The following HEMGN variants were observed in gnomAD, a reference collection of about 807,000 sequenced individuals.
HEMGN encodes the protein erythroid differentiation-associated gene protein.
Under a neutral mutation model 45.7 loss-of-function variants are expected in HEMGN, and 32 were observed. That is an observed-to-expected ratio of 0.70 (90% CI 0.53 to 0.94). The LOEUF (loss-of-function observed/expected upper bound fraction) is 0.94, where lower values mean the gene tolerates loss of function less well. Among genes scored for constraint, HEMGN ranks in the 40% least tolerant of loss-of-function variants. HEMGN has a pLI of 0.00. For synonymous variants in HEMGN, 183 were observed against 178.6 expected (o/e 1.02, Z -0.20); for missense variants, 530 against 564.2 (o/e 0.94, Z 0.61).
At chr9:97,940,221 C>T (rs886697462), upstream of HEMGN, among the ~76,000 whole-genome samples, 4 of 152,114 alleles carry the variant, frequency 2.6e-5, no homozygotes, top group South Asian at 2.1e-4. Context: ...GCTGTAGAGA[C>T]GGATGGTGCA....
Position 97,930,087 on chromosome 9 carries a change from C to T in HEMGN, c.1308G>A (p.Gln436=), listed in dbSNP as rs1281992459. Residue 436 remains glutamine (Q), a synonymous_variant, in exon 3 of 4, where the codon CAG becomes CAA. Coordinates refer to ENST00000616898, the MANE Select transcript of HEMGN (RefSeq NM_197978.3). ...CATCTTCCTGGTGTGCTTTAGGATC[C>T]TGGCCTTGGGGCCCACCTGTTTCTT... ...PHQETGGPQG[Q]DPKAHQEDAK... is the part of the protein sequence containing the mutation. 7 of 1,614,082 alleles carry T rather than the reference C, an allele frequency of 4.3e-6. No homozygotes were observed. The highest frequency in any genetic ancestry group is 5.1e-6 in the Non-Finnish European group (6 of 1,180,026).
intron 2 of HEMGN, among the ~76,000 whole-genome samples, chr9:97,935,066 C>T (rs577920943): frequency 6.6e-6 from 1 of 152,350 alleles, no homozygotes; most frequent in South Asian, 2.1e-4. Flanking sequence ...AAGCTGAAGG[C>T]TTTTTCTTTC....
At chr9:97,941,530 T>C (rs1337532453), upstream of HEMGN, among the ~76,000 whole-genome samples, 3 of 152,110 alleles carry the variant, frequency 2.0e-5, no homozygotes, top group East Asian at 5.8e-4. Context: ...TGAGAGATAA[T>C]TAAGGTTTGG....
intron 3 of HEMGN, among the ~76,000 whole-genome samples, chr9:97,929,542 TAGAA>T (rs1826901314): frequency 6.6e-6 from 1 of 152,194 alleles, no homozygotes; most frequent in African/African-American, 2.4e-5. Flanking sequence ...AATCTTGAAA[TAGAA>T]AGGGTTTTTG....
intron 2 of HEMGN, among the ~76,000 whole-genome samples, chr9:97,935,626 A>G (rs1827043692): frequency 6.6e-6 from 1 of 152,194 alleles, no homozygotes; most frequent in Admixed American, 6.5e-5. Context: ...AAATGGATGC[A>G]ATTAGATGTC....
intron 2 of HEMGN, among the ~76,000 whole-genome samples, 195 bp from the exon 3 acceptor site, chr9:97,931,416 AAT>A (rs1826951368): frequency 1.3e-5 from 2 of 152,122 alleles, no homozygotes. Flanking sequence ...TAGGAGAGGG[AAT>A]GTTTCTCCAG....
At chr9:97,936,855 A>T (rs1587855261) in intron 1 of HEMGN, among the ~76,000 whole-genome samples, 2 of 152,336 alleles carry the variant, frequency 1.3e-5, no homozygotes, top group East Asian at 3.9e-4. Flanking sequence ...AATTATAATA[A>T]GCATATTCAT....
upstream of HEMGN, among the ~76,000 whole-genome samples, chr9:97,939,727 G>A (rs1275386301): frequency 6.6e-6 from 1 of 152,136 alleles, no homozygotes; most frequent in African/African-American, 2.4e-5. Flanking sequence ...AAAGGGTATC[G>A]AGAATGATAT....
At chr9:97,938,496 C>T, upstream of HEMGN, 1 of 175,644 alleles carries the variant, frequency 5.7e-6, no homozygotes. Context: ...TTCCTTTTTA[C>T]AGATGGAGGT....
Position 97,930,941 on chromosome 9 carries a change from C to T in HEMGN, c.454G>A (p.Glu152Lys). The T allele has an allele frequency of 1.2e-6, 2 of 1,614,166 alleles. No individual in the cohort carries two copies. The highest frequency in any genetic ancestry group is 1.1e-5 in the South Asian group (1 of 91,092). Reference protein sequence around the residue: ...IYQENFSEYQEIAVQNHSSET... With the variant: ...IYQENFSEYQKIAVQNHSSET... ...GAAGAATGGTTTTGTACTGCTATTT[C>T]TTGGTACTCAGAAAAATTCTCCTGA... The change falls in exon 3 of 4, where the codon GAA (glutamate) becomes AAA (lysine). Residue 152 changes from glutamate (E) to lysine (K), a missense_variant. Transcript: ENST00000616898.
Position 97,930,710 on chromosome 9 carries a change from C to G in HEMGN, c.685G>C (p.Ala229Pro), listed in dbSNP as rs756135648. 4 of 1,614,104 alleles carry G rather than the reference C, an allele frequency of 2.5e-6. No individual in the cohort carries two copies. Residue 229 changes from alanine to proline, a missense_variant, in exon 3 of 4, where the codon GCT becomes CCT. Transcript: ENST00000616898. Reference protein sequence around the residue: ...YQDMAKREDLAPKMCQEAAVP... With the variant: ...YQDMAKREDLPPKMCQEAAVP... ...GCAGCTTCTTGGCACATTTTAGGAG[C>G]CAGATCTTCTCGTTTAGCCATATCT...
In HEMGN at chr9:97,927,385, TAAAAC is replaced by T. The variant is rs778682688; in HGVS notation, c.1449_1453del (p.Phe484ThrfsTer34). On this transcript the variant is annotated frameshift_variant and stop_lost, in exon 4 of 4. Transcript: ENST00000616898. LOFTEE classifies it high-confidence loss of function. ...CCACAACTTTATGGTTGAGCATTGT[TAAAAC>T]AAAACATAACTATAGACATCATTTT... 1.4e-5 allele frequency: 22 copies of T among 1,572,992 alleles called. No homozygotes were observed. Among genetic ancestry groups the T allele is most frequent in the Non-Finnish European group, 1.7e-5 (20 of 1,146,896 alleles).
In HEMGN at chr9:97,930,555, T is replaced by C; in HGVS notation, c.840A>G (p.Glu280=). Residue 280 remains glutamate, a synonymous_variant, in exon 3 of 4, where the codon GAA becomes GAG. Coordinates refer to ENST00000616898, the MANE Select transcript of HEMGN (RefSeq NM_197978.3). ...YILDTDQNPA[E]PEEYNETDQG... ...GATCTGTTTCATTGTATTCCTCTGG[T>C]TCTGCTGGATTTTGGTCTGTGTCAA... The C allele has an allele frequency of 6.2e-7, 1 of 1,614,192 alleles. No homozygotes were observed. The highest frequency in any genetic ancestry group is 8.5e-7 in the Non-Finnish European group (1 of 1,180,020).
rs1394958624 is a variant in HEMGN at position 97,936,269 on chromosome 9, A to G, written c.80-5T>C. The G allele has an allele frequency of 3.2e-6, 5 of 1,582,818 alleles. No individual in the cohort carries two copies. Among genetic ancestry groups the G allele is most frequent in the Non-Finnish European group, 4.3e-6 (5 of 1,154,428 alleles). The stretch of plus-strand genomic sequence containing the variant: ...AACTCCAGGTTCCAATGACTTCTGT[A>G]ATAAAATGAAAGTGATTAGAAAAAG... On this transcript the variant is annotated splice_polypyrimidine_tract_variant and splice_region_variant and intron_variant, in intron 1 of 3. Transcript: ENST00000616898.
At chr9:97,939,798 T>C (rs530699874), upstream of HEMGN, among the ~76,000 whole-genome samples, 1 of 152,328 alleles carries the variant, frequency 6.6e-6, no homozygotes, top group East Asian at 1.9e-4. Flanking sequence ...TAAACCCTAA[T>C]ATTTAGCTTT....
Position 97,930,391 on chromosome 9 carries a change from G to T in HEMGN, c.1004C>A (p.Pro335His), listed in dbSNP as rs150918405. The T allele has an allele frequency of 9.3e-6, 15 of 1,613,948 alleles. No individual in the cohort carries two copies. The highest frequency in any genetic ancestry group is 1.2e-5 in the Non-Finnish European group (14 of 1,179,908). Residue 335 changes from proline (P) to histidine (H), a missense_variant, in exon 3 of 4, where the codon CCT becomes CAT. By Grantham distance (77) the Pro-to-His change is moderately conservative. Coordinates refer to ENST00000616898, the MANE Select transcript of HEMGN (RefSeq NM_197978.3). ...GATTGTTTTATGAGAGGGGGCTTTA[G>T]GCACAATAATTTCGTTACATGTTTT... The part of the protein sequence containing the change: ...PHKTCNEIIV[P>H]KAPSHKTIQE...
At chr9:97,941,917 A>G (rs1397000326), upstream of HEMGN, among the ~76,000 whole-genome samples, 1 of 152,162 alleles carries the variant, frequency 6.6e-6, no homozygotes, top group Non-Finnish European at 1.5e-5. Context: ...TAACAATTCA[A>G]TTCATTTAAA....
Position 97,927,168 on chromosome 9 carries a change from TACAC to T in HEMGN, c.*212_*215del, listed in dbSNP as rs34825770. Reference sequence around the variant, plus strand: ...ATCCTCTCCCCGACCTATACATACATACACACACACACACACACACACACACACA... The same window carrying T: ...ATCCTCTCCCCGACCTATACATACATACACACACACACACACACACACACA... On this transcript the variant is annotated 3_prime_UTR_variant, in exon 4 of 4. Transcript: ENST00000616898. 0.018 allele frequency: 5,575 copies of T among 314,438 alleles called. 1 individual carries two copies. The highest frequency in any genetic ancestry group is 0.077 in the East Asian group (1,322 of 17,156). The allele number at this position is 314,438 out of a possible 1,614,324, so 19.5% of individuals were successfully genotyped here.
chr9:97,931,655 G>A (rs1032030484), intron 2 of HEMGN, among the ~76,000 whole-genome samples: 3 of 152,080 alleles, frequency 2.0e-5, no homozygotes, highest in African/African-American at 7.2e-5. Context: ...CATACAAATC[G>A]AGTTTCTAGA....
Sources: gnomAD v4.1 joint callset for allele counts (sites outside exome capture counted in the v4.1 genomes callset) on GRCh38, gnomAD v4.1.1 for gene constraint, MANE v1.5 for transcripts, NCBI Gene and HGNC (gene_info 2026-07-23, HGNC 2026-07-21) for gene names.